The following MYH14 variants were observed in gnomAD, a reference collection of about 807,000 sequenced individuals.
MYH14 encodes myosin heavy chain 14.
In MYH14, 123 loss-of-function variants were observed where a neutral mutation model predicts 255.5. The observed-to-expected ratio is 0.48, with a 90% confidence interval of 0.42 to 0.56. MYH14 has a LOEUF of 0.56. MYH14 is among the 20% of genes least tolerant of loss of function. MYH14 has a pLI of 0.00. For missense variants in MYH14, 2,423 were observed against 2,802.3 expected (o/e 0.86, Z 3.06); for synonymous variants, 1,095 against 1,161.2 (o/e 0.94, Z 1.16).
At chr19:50,272,440 A>G (rs1176930699) in intron 26 of MYH14, 120 bp from the exon 27 acceptor site, 9 of 1,015,182 alleles carry the variant, frequency 8.9e-6, no homozygotes, top group Middle Eastern at 5.2e-4. Flanking sequence ...GAGGAGGAGA[A>G]GGCGTTAAGG....
intron 41 of MYH14, among the ~76,000 whole-genome samples, chr19:50,307,360 G>C (rs2036688060): frequency 6.6e-6 from 1 of 152,182 alleles, no homozygotes; most frequent in African/African-American, 2.4e-5. Flanking sequence ...ATAAATGCTG[G>C]CATCTAGAAA....
rs1745003710 is a variant in MYH14, at chr19:50,301,847, G to A, written c.5656G>A (p.Glu1886Lys). 1 of 1,612,680 alleles carries A rather than the reference G, an allele frequency of 6.2e-7. No homozygotes were observed. Among genetic ancestry groups the A allele is most frequent in the Non-Finnish European group, 8.5e-7 (1 of 1,179,376 alleles). ...TGAGTCTAAGTTGGCCCAGGCTGAGGAGCAGCTAGAGCAAGAGACCAGGTA... is the reference window on the plus strand; with the variant it reads ...TGAGTCTAAGTTGGCCCAGGCTGAGAAGCAGCTAGAGCAAGAGACCAGGTA... ...ALESKLAQAE[E>K]QLEQETRERI... The change falls in exon 40 of 43, where the codon GAG becomes AAG. Residue 1886 changes from glutamate to lysine, a missense_variant. Physicochemically the swap from Glu to Lys is moderately conservative, Grantham distance 56. Coordinates refer to ENST00000642316, the MANE Select transcript of MYH14 (RefSeq NM_001145809.2).
intron 42 of MYH14, 34 bp downstream of exon 42, chr19:50,309,211 G>A (rs771613684): frequency 8.7e-6 from 14 of 1,601,456 alleles, no homozygotes; most frequent in African/African-American, 1.3e-5. Context: ...CTGACGGGTG[G>A]GGAGCACCCT....
intron 22 of MYH14, among the ~76,000 whole-genome samples, chr19:50,263,733 A>G (rs2034975024): frequency 6.6e-6 from 1 of 152,180 alleles, no homozygotes; most frequent in African/African-American, 2.4e-5. Flanking sequence ...TCACAGCTAC[A>G]GTTTATCACA....
At position 50,230,725 on chromosome 19, in the gene MYH14, A is replaced by C; in HGVS notation, c.973+102A>C. On this transcript the variant is annotated intron_variant, in intron 9 of 42. Coordinates refer to ENST00000642316, the MANE Select transcript of MYH14 (RefSeq NM_001145809.2). The surrounding 1 kb of genome is among the most constrained non-coding windows in gnomAD (Gnocchi z 4.7). ...GGAAGCAAGAGTGGGGGGCTCTAAT[A>C]TCCGTCAAACACCGACTTCGCATGA... The C allele has an allele frequency of 2.1e-6, 2 of 974,034 alleles. No homozygotes were observed. The highest frequency in any genetic ancestry group is 3.1e-6 in the Non-Finnish European group (2 of 646,366). The allele number at this position is 974,034 out of a possible 1,614,324, so 60.3% of individuals were successfully genotyped here.
At chr19:50,284,173 A>C (rs996921233) in intron 33 of MYH14, among the ~76,000 whole-genome samples, 1 of 151,962 alleles carries the variant, frequency 6.6e-6, no homozygotes. Context: ...CTTTGCAAAT[A>C]TTTTTGTCCA....
chr19:50,241,765 C>T (rs919120744), intron 10 of MYH14, among the ~76,000 whole-genome samples: 1 of 152,122 alleles, frequency 6.6e-6, no homozygotes, highest in African/African-American at 2.4e-5. Context: ...ACCTCAGCCT[C>T]CCGAGTAGCT....
In MYH14 at chr19:50,249,668, C is replaced by T. The variant is rs1283088658; in HGVS notation, c.1501C>T (p.Leu501Phe). Residue 501 changes from leucine (L) to phenylalanine (F), a missense_variant, in exon 14 of 43, where the codon CTC becomes TTC. Leu to Phe is a conservative substitution (Grantham distance 22). Around this residue, in one of 3 missense-constraint regions of MYH14, gnomAD observed 672 missense variants for 881.8 expected, o/e 0.76. Coordinates refer to ENST00000642316, the MANE Select transcript of MYH14 (RefSeq NM_001145809.2). The part of the protein sequence containing the change: ...EIFQLNSFEQ[L>F]CINYTNEKLQ... ...CCTGCAGCTGAACTCCTTCGAGCAGCTCTGCATCAACTACACCAACGAGAA... is the reference window on the plus strand; with the variant it reads ...CCTGCAGCTGAACTCCTTCGAGCAGTTCTGCATCAACTACACCAACGAGAA... 1 of 1,614,230 alleles carries T rather than the reference C, an allele frequency of 6.2e-7. No individual in the cohort carries two copies. The highest frequency in any genetic ancestry group is 1.1e-5 in the South Asian group (1 of 91,080).
At chr19:50,208,427 CA>C (rs931124786) in intron 1 of MYH14, among the ~76,000 whole-genome samples, 2 of 11,338 alleles carry the variant, frequency 1.8e-4, no homozygotes, top group African/African-American at 2.8e-4. Flanking sequence ...AAAACAAAAA[CA>C]AACAAACAAA....
At chr19:50,303,331 C>G (rs2036554796) in intron 40 of MYH14, among the ~76,000 whole-genome samples, 3 of 152,124 alleles carry the variant, frequency 2.0e-5, no homozygotes, top group Admixed American at 2.0e-4. Context: ...GACAACTAAG[C>G]TAACTTGTCT....
At position 50,266,948 on chromosome 19, in the gene MYH14, GCAGGAGCTA is replaced by G. The variant is rs1479951858; in HGVS notation, c.2770_2778del (p.Glu924_Gln926del). The stretch of plus-strand genomic sequence containing the variant: ...CACGGGCCCAGGAGCTGCAGAAAGT[GCAGGAGCTA>G]CAGCAGCAGAGCGCCCGCGAAGTTG... On this transcript the variant is annotated inframe_deletion, in exon 23 of 43. Transcript: ENST00000642316. This position sits in a 1 kb window ranked among gnomAD's most constrained non-coding sequence, Gnocchi z 4.1. The G allele has an allele frequency of 1.3e-6, 2 of 1,560,646 alleles. No homozygotes were observed. Among genetic ancestry groups the G allele is most frequent in the African/African-American group, 2.7e-5 (2 of 73,760 alleles).
chr19:50,252,435 CA>C lies in MYH14; in HGVS notation c.1831-203del, dbSNP rs1171130644. Among the ~76,000 whole-genome samples the C allele has an allele frequency of 6.6e-6, 1 of 151,908 alleles. No homozygotes were observed. The highest frequency in any genetic ancestry group is 1.5e-5 in the Non-Finnish European group (1 of 67,992). On this transcript the variant is annotated intron_variant, in intron 15 of 42. Coordinates refer to ENST00000642316, the MANE Select transcript of MYH14 (RefSeq NM_001145809.2). This position sits in a 1 kb window ranked among gnomAD's most constrained non-coding sequence, Gnocchi z 4.2. ...GTGGTGGTGGAGGTCACAGAGGTGG[CA>C]GGGGGCATAGAGGGGAAGGAGAGAG...
In MYH14 at chr19:50,251,472, C is replaced by CAT. The variant is rs1264281854; in HGVS notation, c.1830+794_1830+795dup. Among the ~76,000 whole-genome samples, 37 of 140,726 alleles carry CAT rather than the reference C, an allele frequency of 2.6e-4. 1 individual carries two copies. Among genetic ancestry groups the CAT allele is most frequent in the Admixed American group, 1.9e-3 (27 of 13,880 alleles). 92.3% of individuals were successfully genotyped at this position (140,726 alleles called of 152,430 possible). On this transcript the variant is annotated intron_variant, in intron 15 of 42. Transcript: ENST00000642316. ...GGTTCTATTCCTATATATATATACA[C>CAT]ATATATATATACACACATATATATA...
At chr19:50,217,515 T>C in intron 2 of MYH14, 100 bp from the exon 3 acceptor site, 2 of 1,322,392 alleles carry the variant, frequency 1.5e-6, no homozygotes, top group East Asian at 2.3e-5. Flanking sequence ...CATGTGCAGA[T>C]AGATGCCCTT....
chr19:50,308,687 G>A (rs932393228), intron 41 of MYH14: 4 of 328,602 alleles, frequency 1.2e-5, no homozygotes, highest in Non-Finnish European at 2.2e-5. Flanking sequence ...GGAATGCCAG[G>A]CTGAGGGGCT....
chr19:50,235,243 A>G (rs2033606447), intron 10 of MYH14, among the ~76,000 whole-genome samples: 1 of 151,962 alleles, frequency 6.6e-6, no homozygotes, highest in Non-Finnish European at 1.5e-5. Context: ...CTGTAGTCCC[A>G]GCTACTCAGG....
intron 10 of MYH14, among the ~76,000 whole-genome samples, chr19:50,238,626 C>T (rs583571): frequency 0.96 from 146,637 of 152,114 alleles, 70,730 homozygotes; most frequent in African/African-American, 0.99. Context: ...TTATATTTTG[C>T]ATTTTTGGTA....
Position 50,268,324 on chromosome 19 carries a change from G to C in MYH14, c.2990G>C (p.Arg997Pro). The change falls in exon 24 of 43, where the codon CGT becomes CCT. Residue 997 changes from arginine (R) to proline (P), a missense_variant. Physicochemically the swap from Arg to Pro is moderately radical, Grantham distance 103. Transcript: ENST00000642316. ...ARVGEEEECS[R>P]QMQTEKKRLQ... ...GTGGGCGAGGAGGAGGAGTGCAGCC[G>C]TCAAATGCAAACCGAGAAGAAGAGG... is the stretch of plus-strand genomic sequence containing the variant. 6.3e-7 allele frequency: 1 copy of C among 1,587,854 alleles called. No individual in the cohort carries two copies. Among genetic ancestry groups the C allele is most frequent in the Non-Finnish European group, 8.6e-7 (1 of 1,168,238 alleles).
intron 10 of MYH14, among the ~76,000 whole-genome samples, chr19:50,233,217 T>G (rs2033494422): frequency 6.6e-6 from 1 of 152,074 alleles, no homozygotes; most frequent in South Asian, 2.1e-4. Context: ...TTACCCAGGC[T>G]GGAATGCAGT....
Sources: gnomAD v4.1 joint callset for allele counts (sites outside exome capture counted in the v4.1 genomes callset) on GRCh38, gnomAD v4.1.1 for gene constraint, gnomAD v4.1.1 regional missense constraint, Gnocchi (gnomAD v3.1) non-coding constraint, MANE v1.5 for transcripts, NCBI Gene and HGNC (gene_info 2026-07-23, HGNC 2026-07-21) for gene names.